HS6ST3: variants seen among roughly 807,000 people sequenced by gnomAD.
The protein encoded by HS6ST3 is heparan-sulfate 6-O-sulfotransferase 3.
In HS6ST3, 12 loss-of-function variants were observed where a neutral mutation model predicts 36.7. That is an observed-to-expected ratio of 0.33 (90% CI 0.21 to 0.53). HS6ST3 has a LOEUF of 0.53. Among genes scored for constraint, HS6ST3 ranks in the 20% least tolerant of loss-of-function variants. The pLI is 0.95. For synonymous variants in HS6ST3, 240 were observed against 257.5 expected, an observed-to-expected ratio of 0.93 and a Z score of 0.65; for missense variants, 584 against 640.9, an observed-to-expected ratio of 0.91 and a Z score of 0.96.
chr13:96,254,448 AATATAT>A (rs869064004), intron 1 of HS6ST3, among the ~76,000 whole-genome samples: 294 of 16,414 alleles, frequency 0.018, 7 homozygotes, highest in African/African-American at 0.019. Context: ...AAAAAAAAAA[AATATAT>A]ATATATATAT....
intron 1 of HS6ST3, among the ~76,000 whole-genome samples, chr13:96,791,137 T>C (rs1024075820): frequency 6.6e-6 from 1 of 152,048 alleles, no homozygotes; most frequent in Non-Finnish European, 1.5e-5. Flanking sequence ...AAATATATTC[T>C]ACTGAGGTTG....
chr13:96,825,430 A>C (rs1235849295), intron 1 of HS6ST3, among the ~76,000 whole-genome samples: 1 of 152,162 alleles, frequency 6.6e-6, no homozygotes. Context: ...AAAAAGTAGC[A>C]TAGAGAAAGC....
At chr13:96,344,374 A>G (rs529487686) in intron 1 of HS6ST3, among the ~76,000 whole-genome samples, 1 of 152,240 alleles carries the variant, frequency 6.6e-6, no homozygotes, top group African/African-American at 2.4e-5. Context: ...CTTCTGTGAG[A>G]TAAGTATAGT....
At chr13:96,711,802 C>T (rs990538146) in intron 1 of HS6ST3, among the ~76,000 whole-genome samples, 1 of 152,208 alleles carries the variant, frequency 6.6e-6, no homozygotes, top group South Asian at 2.1e-4. Context: ...GTGTCACACT[C>T]TCCCTGTGGG....
chr13:96,503,705 G>A (rs905823937), intron 1 of HS6ST3, among the ~76,000 whole-genome samples: 13 of 152,188 alleles, frequency 8.5e-5, no homozygotes, highest in African/African-American at 3.1e-4. Context: ...CATTCATTGA[G>A]CGGTTCTTAT....
chr13:96,395,621 T>C (rs1192716128), intron 1 of HS6ST3, among the ~76,000 whole-genome samples: 3 of 152,190 alleles, frequency 2.0e-5, no homozygotes, highest in Non-Finnish European at 4.4e-5. Context: ...AGTGTCCCTG[T>C]TCTCATTGCT....
chr13:96,677,260 T>A (rs569394737), intron 1 of HS6ST3, among the ~76,000 whole-genome samples: 2 of 152,092 alleles, frequency 1.3e-5, no homozygotes. Context: ...CCAATAAAGA[T>A]GAAATAAAAT....
chr13:96,792,961 G>A (rs538702282), intron 1 of HS6ST3, among the ~76,000 whole-genome samples: 5 of 151,996 alleles, frequency 3.3e-5, no homozygotes, highest in South Asian at 2.1e-4. Context: ...CTTCCCTCTC[G>A]GCACCACGCC....
intron 1 of HS6ST3, among the ~76,000 whole-genome samples, chr13:96,304,701 TTCTTTCTTTC>T (rs1265761621): frequency 0.026 from 2,640 of 100,862 alleles, 38 homozygotes; most frequent in African/African-American, 0.054. Context: ...CTTTCTTTCT[TTCTTTCTTTC>T]TTTTTTTTTT....
intron 1 of HS6ST3, among the ~76,000 whole-genome samples, chr13:96,751,982 T>C (rs1469170118): frequency 6.6e-6 from 1 of 152,034 alleles, no homozygotes; most frequent in Non-Finnish European, 1.5e-5. Context: ...AGAATGGGAT[T>C]ATTACTAATA....
At chr13:96,291,682 T>C (rs1431067065) in intron 1 of HS6ST3, among the ~76,000 whole-genome samples, 2 of 152,180 alleles carry the variant, frequency 1.3e-5, no homozygotes, top group Admixed American at 6.6e-5. Flanking sequence ...TATCGAAATA[T>C]TGTTTTGTGC....
Position 96,726,290 on chromosome 13 carries a change from T to C in HS6ST3, c.708-106200T>C, listed in dbSNP as rs561738181. ...GTTCCTGCTGGGATTTTGATTGGAA[T>C]AGTATTAAATCTATAAATAATTTGT... On this transcript the variant is annotated intron_variant, in intron 1 of 1. Coordinates refer to ENST00000376705, the MANE Select transcript of HS6ST3 (RefSeq NM_153456.4). 1.9e-3 allele frequency among the ~76,000 whole-genome samples: 294 copies of C among 152,342 alleles called. 1 individual carries two copies. The highest frequency in any genetic ancestry group is 6.6e-3 in the African/African-American group (276 of 41,580).
chr13:96,164,041 C>T (rs1371449095), intron 1 of HS6ST3, among the ~76,000 whole-genome samples: 1 of 152,152 alleles, frequency 6.6e-6, no homozygotes, highest in Non-Finnish European at 1.5e-5. Flanking sequence ...TGCTTTACTT[C>T]AGGGACTGTG....
intron 1 of HS6ST3, among the ~76,000 whole-genome samples, chr13:96,616,877 G>A (rs1162803553): frequency 1.3e-5 from 2 of 151,874 alleles, no homozygotes; most frequent in Non-Finnish European, 2.9e-5. Flanking sequence ...TAAACGAAGG[G>A]CCTCATAGGC....
intron 1 of HS6ST3, among the ~76,000 whole-genome samples, chr13:96,214,051 C>T (rs2054412167): frequency 6.6e-6 from 1 of 152,146 alleles, no homozygotes; most frequent in South Asian, 2.1e-4. Context: ...GGTCTCATAA[C>T]CAGGAAGGAG....
intron 1 of HS6ST3, among the ~76,000 whole-genome samples, chr13:96,793,642 CT>C (rs1263185632): frequency 6.6e-6 from 1 of 152,022 alleles, no homozygotes; most frequent in East Asian, 1.9e-4. Flanking sequence ...GTATTTTTAC[CT>C]CAATGTTTCC....
intron 1 of HS6ST3, among the ~76,000 whole-genome samples, chr13:96,547,942 T>C (rs2056203832): frequency 6.6e-6 from 1 of 152,064 alleles, no homozygotes; most frequent in South Asian, 2.1e-4. Flanking sequence ...CCCAAGGAAG[T>C]CATAACAATT....
chr13:96,321,986 C>G lies in HS6ST3; in HGVS notation c.707+230417C>G, dbSNP rs1336375520. Among the ~76,000 whole-genome samples, 2 of 149,378 alleles carry G rather than the reference C, an allele frequency of 1.3e-5. 1 individual carries two copies. The highest frequency in any genetic ancestry group is 5.0e-5 in the African/African-American group (2 of 39,794). ...ATCATTCTCAGCTGGTGACTTTATT[C>G]TGACTTCACTGAAAAAAAAAAATGG... is the stretch of plus-strand genomic sequence containing the variant. On this transcript the variant is annotated intron_variant, in intron 1 of 1. Transcript: ENST00000376705.
chr13:96,121,092 CTTAAGT>C (rs1437013285), intron 1 of HS6ST3, among the ~76,000 whole-genome samples: 1 of 152,166 alleles, frequency 6.6e-6, no homozygotes, highest in African/African-American at 2.4e-5. Context: ...TCACAGAGGA[CTTAAGT>C]TTATTTGCAT....
Sources: gnomAD v4.1 joint callset for allele counts (sites outside exome capture counted in the v4.1 genomes callset) on GRCh38, gnomAD v4.1.1 for gene constraint, MANE v1.5 for transcripts, NCBI Gene and HGNC (gene_info 2026-07-23, HGNC 2026-07-21) for gene names.